PPM1F: variants seen among roughly 807,000 people sequenced by gnomAD.
PPM1F encodes the protein protein phosphatase 1F.
Under a neutral mutation model 35.5 loss-of-function variants are expected in PPM1F, and 17 were observed. That is an observed-to-expected ratio of 0.48 (90% confidence interval 0.33 to 0.72). The LOEUF (loss-of-function observed/expected upper bound fraction) is 0.72, where lower values mean the gene tolerates loss of function less well. Among genes scored for constraint, PPM1F ranks in the 30% least tolerant of loss-of-function variants. The pLI, the probability that PPM1F is intolerant of heterozygous loss-of-function variation, is 0.02. For synonymous variants in PPM1F, 241 were observed against 255.5 expected, an observed-to-expected ratio of 0.94 and a Z score of 0.54; for missense variants, 521 against 613.0, an observed-to-expected ratio of 0.85 and a Z score of 1.59.
At chr22:21,935,704 T>A (rs1343437795) in intron 3 of PPM1F, 1 of 152,044 alleles carries the variant, frequency 6.6e-6, no homozygotes, top group African/African-American at 2.4e-5. Flanking sequence ...CCTTGTCTCT[T>A]AAAAACAAAC....
At chr22:21,924,894 ATTTATT>A (rs1370933130) in intron 7 of PPM1F, 1 of 149,992 alleles carries the variant, frequency 6.7e-6, no homozygotes, top group African/African-American at 2.5e-5. Flanking sequence ...TAAAATTTTT[ATTTATT>A]TTTATTATTA....
At chr22:21,951,038 T>C (rs35655779) in intron 1 of PPM1F, 2 of 152,200 alleles carry the variant, frequency 1.3e-5, no homozygotes, top group Non-Finnish European at 2.9e-5. Flanking sequence ...TTTTTTATTG[T>C]TGTAAAATAT....
chr22:21,933,514 G>A lies in PPM1F; in HGVS notation c.624C>T (p.Tyr208=), dbSNP rs143525623. The A allele has an allele frequency of 5.6e-5, 90 of 1,613,732 alleles. No individual in the cohort carries two copies. The highest frequency in any genetic ancestry group is 5.8e-5 in the Non-Finnish European group (68 of 1,180,004). Residue 208 remains tyrosine (Y), a synonymous_variant, in exon 5 of 8, where the codon TAC becomes TAT. Transcript: ENST00000263212. ...CGTTGGTGTGCACGTGGACAGCGGC[G>A]TACCTCGCAGCATCCACGCCTCCGT... ...DGHGGVDAAR[Y]AAVHVHTNAA...
chr22:21,942,510 A>G (rs2070736348), intron 2 of PPM1F: 1 of 152,222 alleles, frequency 6.6e-6, no homozygotes, highest in Admixed American at 6.5e-5. Flanking sequence ...ACAACCAGCC[A>G]AGACATGAGA....
intron 7 of PPM1F, among the ~76,000 whole-genome samples, chr22:21,923,818 C>T (rs950498520): frequency 1.3e-5 from 2 of 151,912 alleles, no homozygotes; most frequent in Non-Finnish European, 2.9e-5. Flanking sequence ...GCTGGGATTA[C>T]AGGCTCGCGC....
chr22:21,922,926 C>T lies in PPM1F; in HGVS notation c.*166G>A. 1.1e-6 allele frequency: 1 copy of T among 878,498 alleles called. No individual in the cohort carries two copies. Among genetic ancestry groups the T allele is most frequent in the Non-Finnish European group, 1.7e-6 (1 of 571,858 alleles). 54.4% of individuals were successfully genotyped at this position (878,498 alleles called of 1,614,324 possible). A position where few individuals can be genotyped will look rare whatever the true frequency, so the allele number is the denominator to read the frequency against. On this transcript the variant is annotated 3_prime_UTR_variant, in exon 8 of 8. Coordinates refer to ENST00000263212, the MANE Select transcript of PPM1F (RefSeq NM_014634.4). ...CCGCCACCCAGTGCAGTTCCACAGC[C>T]ACCAGGACGGGCTGCGGGGGGTGTC...
Position 21,922,962 on chromosome 22 carries a change from C to G in PPM1F, c.*130G>C, listed in dbSNP as rs1183451141. ...GCTGCGGGGGGTGTCCCGACTGGCT[C>G]TGGGGTGCTGGGGAAAGCACTGTGG... On this transcript the variant is annotated 3_prime_UTR_variant, in exon 8 of 8. Transcript: ENST00000263212. The G allele has an allele frequency of 1.6e-6, 2 of 1,262,672 alleles. No individual in the cohort carries two copies. Among genetic ancestry groups the G allele is most frequent in the Non-Finnish European group, 2.2e-6 (2 of 910,100 alleles). 78.2% of individuals were successfully genotyped at this position (1,262,672 alleles called of 1,614,324 possible). A position where few individuals can be genotyped will look rare whatever the true frequency, so the allele number is the denominator to read the frequency against.
At chr22:21,925,683 T>A in intron 6 of PPM1F, 21 bp from the exon 7 acceptor site, 1 of 1,560,400 alleles carries the variant, frequency 6.4e-7, no homozygotes, top group Non-Finnish European at 8.7e-7. Flanking sequence ...ACAGCCAGAG[T>A]TGGGGGCAGG....
rs774309318 is a variant in PPM1F, at chr22:21,934,101, C to T, written c.481G>A (p.Ala161Thr). The change falls in exon 4 of 8, where the codon GCC becomes ACC. Residue 161 changes from alanine (A) to threonine (T), a missense_variant. Ala to Thr is a moderately conservative substitution (Grantham distance 58). Coordinates refer to ENST00000263212, the MANE Select transcript of PPM1F (RefSeq NM_014634.4). ...SQRQWLVSIH[A>T]IRNTRRKMED... ...ATCTTGCGGCGAGTGTTCCGGATGG[C>T]GTGGATGGAGACCAGCCACTGCCGC... The T allele has an allele frequency of 1.9e-6, 3 of 1,563,280 alleles. No homozygotes were observed. The highest frequency in any genetic ancestry group is 2.6e-6 in the Non-Finnish European group (3 of 1,154,170).
chr22:21,934,068 G>T lies in PPM1F; in HGVS notation c.514C>A (p.Arg172=). 6.4e-7 allele frequency: 1 copy of T among 1,564,994 alleles called. No individual in the cohort carries two copies. The highest frequency in any genetic ancestry group is 8.7e-7 in the Non-Finnish European group (1 of 1,154,452). The change falls in exon 4 of 8, where the codon CGG becomes AGG. Residue 172 remains arginine, a synonymous_variant. Coordinates refer to ENST00000263212, the MANE Select transcript of PPM1F (RefSeq NM_014634.4). The stretch of plus-strand genomic sequence containing the variant: ...TTGAAGGAAGGGAGGGACACGTGCC[G>T]GTCCTCCATCTTGCGGCGAGTGTTC... ...IRNTRRKMED[R]HVSLPSFNQL... is the part of the protein sequence containing the mutation.
chr22:21,920,365 G>C lies in PPM1F; in HGVS notation c.*2727C>G, dbSNP rs192450718. 1.9e-3 allele frequency: 296 copies of C among 152,806 alleles called. 2 individuals are homozygous for C. Among genetic ancestry groups the C allele is most frequent in the Non-Finnish European group, 7.6e-4 (52 of 68,060 alleles). 9.5% of individuals were successfully genotyped at this position (152,806 alleles called of 1,614,324 possible). ...AAGGAACAAGTGGAGAGCTGGGCTG[G>C]AGAAAGGATTACAATTTACAGACCA... On this transcript the variant is annotated 3_prime_UTR_variant, in exon 8 of 8. Coordinates refer to ENST00000263212, the MANE Select transcript of PPM1F (RefSeq NM_014634.4).
chr22:21,936,175 C>T (rs535285622), intron 3 of PPM1F: 30 of 152,004 alleles, frequency 2.0e-4, no homozygotes, highest in African/African-American at 6.3e-4. Flanking sequence ...TCTCTTAAAA[C>T]AGAAAACTAA....
At chr22:21,937,023 T>A (rs1022215959) in intron 3 of PPM1F, 1 of 152,142 alleles carries the variant, frequency 6.6e-6, no homozygotes, top group Middle Eastern at 3.1e-3. Context: ...AAGGAAACCA[T>A]GGGGGCTCTG....
chr22:21,948,054 AG>A (rs1270701575), intron 1 of PPM1F: 1 of 152,222 alleles, frequency 6.6e-6, no homozygotes, highest in Non-Finnish European at 1.5e-5. Flanking sequence ...ACGTAGGAAT[AG>A]GGGTGCTTGC....
At chr22:21,933,711 G>C (rs765084156) in intron 4 of PPM1F, 132 bp from the exon 5 acceptor site, 3 of 836,666 alleles carry the variant, frequency 3.6e-6, no homozygotes, top group Non-Finnish European at 5.5e-6. Flanking sequence ...GTGCGTATGA[G>C]GGGGTAGGTT....
rs1392008034 is a variant in PPM1F, at chr22:21,927,937, G to GTTTTTTTTT, written c.892-2276_892-2275insAAAAAAAAA. On this transcript the variant is annotated intron_variant, in intron 6 of 7. Coordinates refer to ENST00000263212, the MANE Select transcript of PPM1F (RefSeq NM_014634.4). ...TCACTGATTCTTGATTCTGTTTTTT[G>GTTTTTTTTT]TTTTGTTTTTTTTTTTTTTTTTTTT... Among the ~76,000 whole-genome samples, 27 of 68,090 alleles carry GTTTTTTTTT rather than the reference G, an allele frequency of 4.0e-4. 1 individual carries two copies. In the East Asian group the frequency reaches 5.5e-3, roughly 14 times the overall value. 44.7% of individuals were successfully genotyped at this position (68,090 alleles called of 152,430 possible).
Position 21,939,560 on chromosome 22 carries a change from A to T in PPM1F, c.327T>A (p.Asp109Glu). The change falls in exon 3 of 8, where the codon GAT (aspartate) becomes GAA (glutamate). Residue 109 changes from aspartate (D) to glutamate (E), a missense_variant. Around this residue, in one of 3 missense-constraint regions of PPM1F, gnomAD observed 311 missense variants for 351.5 expected, o/e 0.88. Coordinates refer to ENST00000263212, the MANE Select transcript of PPM1F (RefSeq NM_014634.4). This position sits in a 1 kb window ranked among gnomAD's most constrained non-coding sequence, Gnocchi z 5.1. ...TCACAGGGGCCTTTTCCTCCTCGTC[A>T]TCGTCCTCCTCCTCTTCTTCTTCCT... ...PREEEEEEEDDDEEEKAPVTL... is the reference protein window; with the variant it reads ...PREEEEEEEDEDEEEKAPVTL... 6.3e-7 allele frequency: 1 copy of T among 1,583,922 alleles called. No individual in the cohort carries two copies. Among genetic ancestry groups the T allele is most frequent in the Non-Finnish European group, 8.6e-7 (1 of 1,163,618 alleles).
At position 21,931,198 on chromosome 22, in the gene PPM1F, G is replaced by A. The variant is rs759818451; in HGVS notation, c.841C>T (p.Gln281Ter). The change falls in exon 6 of 8, where the codon CAG becomes TAG. Residue 281 changes from glutamine (Q) to a stop codon, truncating the protein, a stop_gained. Transcript: ENST00000263212. LOFTEE classifies it high-confidence loss of function. ...ATCAGCTTCACCACCTGTCCCTGCT[G>A]TACCAAAATGACCTGGGAATCCCCG... ...WLGDSQVILV[Q>*]QGQVVKLMEP... The A allele has an allele frequency of 1.9e-6, 3 of 1,614,182 alleles. No individual in the cohort carries two copies. The highest frequency in any genetic ancestry group is 1.1e-5 in the South Asian group (1 of 91,090).
Position 21,939,297 on chromosome 22 carries a change from C to A in PPM1F, c.355+235G>T. On this transcript the variant is annotated intron_variant, in intron 3 of 7. Coordinates refer to ENST00000263212, the MANE Select transcript of PPM1F (RefSeq NM_014634.4). The surrounding 1 kb of genome is among the most constrained non-coding windows in gnomAD (Gnocchi z 5.1). ...GACAGGACACAGGAGGGTGTCTGCACCACCCACCCCTGCCTCGTGGGCTGA... is the reference window on the plus strand; with the variant it reads ...GACAGGACACAGGAGGGTGTCTGCAACACCCACCCCTGCCTCGTGGGCTGA... 1.8e-6 allele frequency: 1 copy of A among 566,416 alleles called. No individual in the cohort carries two copies. Among genetic ancestry groups the A allele is most frequent in the South Asian group, 2.1e-5 (1 of 46,576 alleles). The allele number at this position is 566,416 out of a possible 1,614,324, so 35.1% of individuals were successfully genotyped here.
Sources: allele counts gnomAD v4.1 joint callset (sites outside exome capture counted in the v4.1 genomes callset), GRCh38; gene constraint gnomAD v4.1.1; regional missense constraint gnomAD v4.1.1; non-coding constraint Gnocchi (gnomAD v3.1); transcripts MANE v1.5; gene names NCBI Gene and HGNC (gene_info 2026-07-23, HGNC 2026-07-21).